Variants in SLC27A6 observed in about 807,000 individuals in gnomAD.
The protein encoded by SLC27A6 is solute carrier family 27 member 6, also known as long-chain fatty acid transport protein 6.
SLC27A6 carries 74 observed loss-of-function variants against 63.9 expected under a neutral mutation model. That is an observed-to-expected ratio of 1.16 (90% CI 0.96 to 1.40). The LOEUF (loss-of-function observed/expected upper bound fraction) is 1.40, where lower values mean the gene tolerates loss of function less well. SLC27A6 is among the 40% of genes most tolerant of loss of function. The pLI is 0.00. For missense variants in SLC27A6, 794 were observed against 732.9 expected, an observed-to-expected ratio of 1.08 and a Z score of -0.96; for synonymous variants, 287 against 260.8, an observed-to-expected ratio of 1.10 and a Z score of -0.97.
chr5:128,998,508 A>T (rs1580724526), intron 4 of SLC27A6, among the ~76,000 whole-genome samples: 1 of 152,092 alleles, frequency 6.6e-6, no homozygotes, highest in African/African-American at 2.4e-5. Context: ...ATTTTAAAAT[A>T]AAACTTTAAT....
rs1188061786 is a variant in SLC27A6 at position 128,966,361 on chromosome 5, A to T, written c.224A>T (p.Tyr75Phe). 6.2e-7 allele frequency: 1 copy of T among 1,613,366 alleles called. No individual in the cohort carries two copies. Among genetic ancestry groups the T allele is most frequent in the South Asian group, 1.1e-5 (1 of 91,008 alleles). ...KRQPRKPFII[Y>F]EGDIYTYQDV... Reference sequence around the variant, plus strand: ...CAACCTCGGAAACCTTTCATCATCTATGAGGGAGACATCTACACCTATCAG... The same window carrying T: ...CAACCTCGGAAACCTTTCATCATCTTTGAGGGAGACATCTACACCTATCAG... The change falls in exon 1 of 10, where the codon TAT (tyrosine) becomes TTT (phenylalanine). Residue 75 changes from tyrosine to phenylalanine, a missense_variant. Tyr to Phe is a conservative substitution (Grantham distance 22). Coordinates refer to ENST00000262462, the MANE Select transcript of SLC27A6 (RefSeq NM_001017372.3).
At chr5:128,987,900 A>G (rs1029868203) in intron 2 of SLC27A6, among the ~76,000 whole-genome samples, 20 of 152,192 alleles carry the variant, frequency 1.3e-4, no homozygotes, top group African/African-American at 4.3e-4. Context: ...AAAAATATCT[A>G]GAACTATAAG....
intron 4 of SLC27A6, among the ~76,000 whole-genome samples, chr5:129,008,575 A>C (rs1468679843): frequency 6.6e-6 from 1 of 152,232 alleles, no homozygotes; most frequent in Non-Finnish European, 1.5e-5. Flanking sequence ...TAAGATTTGC[A>C]ATGCTGCTGT....
intron 4 of SLC27A6, among the ~76,000 whole-genome samples, chr5:129,013,169 C>T (rs1177815622): frequency 6.6e-6 from 1 of 152,000 alleles, no homozygotes; most frequent in Non-Finnish European, 1.5e-5. Context: ...TAACTTACCA[C>T]ATTCTATCTT....
chr5:129,013,812 T>A (rs1456558164), intron 4 of SLC27A6, among the ~76,000 whole-genome samples: 1 of 152,188 alleles, frequency 6.6e-6, no homozygotes, highest in Admixed American at 6.5e-5. Flanking sequence ...ATTTTTGGCA[T>A]GTTCTTTGCG....
At chr5:129,023,946 AGG>A (rs1179250377) in intron 6 of SLC27A6, among the ~76,000 whole-genome samples, 2 of 152,028 alleles carry the variant, frequency 1.3e-5, no homozygotes, top group Non-Finnish European at 2.9e-5. Context: ...CTACATAAAT[AGG>A]GTCGTATGGT....
intron 4 of SLC27A6, among the ~76,000 whole-genome samples, chr5:129,009,765 C>G (rs113511786): frequency 3.3e-5 from 5 of 151,806 alleles, no homozygotes; most frequent in Non-Finnish European, 7.4e-5. Context: ...ACCTCCACCC[C>G]CTGGGTTCAA....
intron 1 of SLC27A6, among the ~76,000 whole-genome samples, chr5:128,971,455 A>G (rs181545886): frequency 5.4e-4 from 82 of 152,120 alleles, no homozygotes; most frequent in African/African-American, 1.7e-3. Context: ...TATTGGGTGC[A>G]TATATATTCA....
At chr5:129,025,092 C>A (rs540737971) in intron 6 of SLC27A6, among the ~76,000 whole-genome samples, 1 of 152,198 alleles carries the variant, frequency 6.6e-6, no homozygotes, top group South Asian at 2.1e-4. Flanking sequence ...ACTTGAATCC[C>A]AGAACTGTGC....
At chr5:128,997,616 A>G (rs1288952597) in intron 4 of SLC27A6, among the ~76,000 whole-genome samples, 1 of 152,208 alleles carries the variant, frequency 6.6e-6, no homozygotes, top group South Asian at 2.1e-4. Flanking sequence ...ATAGTTAATG[A>G]TTCACATTTC....
intron 4 of SLC27A6, among the ~76,000 whole-genome samples, chr5:128,996,727 A>G (rs1032114668): frequency 1.3e-5 from 2 of 152,140 alleles, no homozygotes; most frequent in African/African-American, 4.8e-5. Context: ...AGAATGTATC[A>G]TTCCTTTCAA....
intron 5 of SLC27A6, among the ~76,000 whole-genome samples, chr5:129,021,231 A>C (rs1752066056): frequency 6.6e-6 from 1 of 150,868 alleles, no homozygotes; most frequent in African/African-American, 2.4e-5. Context: ...TAAGAATGAC[A>C]TTCCAAGGAC....
Position 129,029,570 on chromosome 5 carries a change from T to G in SLC27A6, c.1553-7T>G. The G allele has an allele frequency of 6.4e-7, 1 of 1,555,608 alleles. No individual in the cohort carries two copies. The highest frequency in any genetic ancestry group is 8.7e-7 in the Non-Finnish European group (1 of 1,153,716). Reference sequence around the variant, plus strand: ...TAAAAATGACTCTATTTCAAACTTTTTTTCAGGTTATGAAGGAAGAGCAGG... The same window carrying G: ...TAAAAATGACTCTATTTCAAACTTTGTTTCAGGTTATGAAGGAAGAGCAGG... On this transcript the variant is annotated splice_polypyrimidine_tract_variant and splice_region_variant and intron_variant, in intron 8 of 9. Transcript: ENST00000262462.
chr5:128,994,327 T>G (rs1043016976), intron 4 of SLC27A6, among the ~76,000 whole-genome samples: 10 of 152,228 alleles, frequency 6.6e-5, no homozygotes, highest in African/African-American at 1.9e-4. Context: ...CTTAATAATT[T>G]TTTTTTAAGC....
At chr5:128,979,705 G>T (rs1750518121) in intron 1 of SLC27A6, among the ~76,000 whole-genome samples, 1 of 151,886 alleles carries the variant, frequency 6.6e-6, no homozygotes, top group South Asian at 2.1e-4. Context: ...GTATAATTTT[G>T]GTTATAATAA....
At chr5:129,024,142 T>C (rs1000281598) in intron 6 of SLC27A6, among the ~76,000 whole-genome samples, 1 of 152,056 alleles carries the variant, frequency 6.6e-6, no homozygotes, top group African/African-American at 2.4e-5. Flanking sequence ...TTTGGAATTT[T>C]AATGCAGGTG....
At chr5:129,019,968 A>G (rs1752023042) in intron 5 of SLC27A6, among the ~76,000 whole-genome samples, 1 of 152,114 alleles carries the variant, frequency 6.6e-6, no homozygotes. Context: ...CTTTAGCAGA[A>G]GAGTACACTA....
intron 6 of SLC27A6, among the ~76,000 whole-genome samples, chr5:129,024,953 A>G (rs912267865): frequency 2.6e-5 from 4 of 152,186 alleles, no homozygotes; most frequent in East Asian, 3.9e-4. Context: ...CATTTATCAA[A>G]TATGTTTCTC....
rs1752143698 is a variant in SLC27A6, at chr5:129,023,603, G to A, written c.1165-17G>A. The A allele has an allele frequency of 6.5e-7, 1 of 1,528,058 alleles. No individual in the cohort carries two copies. Among genetic ancestry groups the A allele is most frequent in the Admixed American group, 1.9e-5 (1 of 51,404 alleles). 94.7% of individuals were successfully genotyped at this position (1,528,058 alleles called of 1,614,324 possible). On this transcript the variant is annotated splice_polypyrimidine_tract_variant and intron_variant, in intron 5 of 9. Coordinates refer to ENST00000262462, the MANE Select transcript of SLC27A6 (RefSeq NM_001017372.3). ...ACTAAATGCTTGTTTCTATTTGTTT[G>A]ATTTTTTTTTTTGCAGCTTCTTTCC...
Sources: allele counts gnomAD v4.1 joint callset (sites outside exome capture counted in the v4.1 genomes callset), GRCh38; gene constraint gnomAD v4.1.1; transcripts MANE v1.5; gene names NCBI Gene and HGNC (gene_info 2026-07-23, HGNC 2026-07-21).